Variants in ITPA observed in about 807,000 individuals in gnomAD.
ITPA encodes the protein inosine triphosphate pyrophosphatase.
ITPA carries 29 observed loss-of-function variants against 29.6 expected under a neutral mutation model. That is an observed-to-expected ratio of 0.98 (90% CI 0.73 to 1.34). The LOEUF (loss-of-function observed/expected upper bound fraction) is 1.34, where lower values mean the gene tolerates loss of function less well. Among genes scored for constraint, ITPA ranks in the 40% most tolerant of loss-of-function variants. ITPA has a pLI of 0.00. For synonymous variants in ITPA, 103 were observed against 99.3 expected (o/e 1.04, Z -0.22); for missense variants, 241 against 251.5 (o/e 0.96, Z 0.28).
At chr20:3,226,522 C>T (rs1317320097), downstream of ITPA, among the ~76,000 whole-genome samples, 1 of 152,130 alleles carries the variant, frequency 6.6e-6, no homozygotes, top group African/African-American at 2.4e-5. This position sits in a 1 kb window ranked among gnomAD's most constrained non-coding sequence, Gnocchi z 4.4. Context: ...CTCATGTGGG[C>T]TTACGTTTCT....
chr20:3,204,375 G>A (rs1032544649), upstream of ITPA, among the ~76,000 whole-genome samples: 5 of 152,142 alleles, frequency 3.3e-5, no homozygotes, highest in Non-Finnish European at 7.4e-5. Flanking sequence ...TTCCAGGTAG[G>A]GCACTGCGGA....
intron 2 of ITPA, 34 bp downstream of exon 2, chr20:3,213,260 G>A (rs780589450): frequency 1.2e-6 from 2 of 1,614,040 alleles, no homozygotes; most frequent in East Asian, 4.5e-5. Flanking sequence ...TTTAAAAGAT[G>A]GTTGGATTTC....
Position 3,214,011 on chromosome 20 carries a change from C to T in ITPA, c.216C>T (p.Asp72=), listed in dbSNP as rs1345647506. Residue 72 remains aspartate (D), a synonymous_variant, in exon 4 of 8, where the codon GAC becomes GAT. Transcript: ENST00000380113. ...RQVQGPVLVE[D]TCLCFNALGG... ...TACAGGGGCCCGTGCTGGTTGAGGA[C>T]ACTTGTCTGTGCTTCAATGCCCTTG... 13 of 1,614,196 alleles carry T rather than the reference C, an allele frequency of 8.1e-6. No individual in the cohort carries two copies. Among genetic ancestry groups the T allele is most frequent in the Non-Finnish European group, 1.1e-5 (13 of 1,180,036 alleles).
upstream of ITPA, chr20:3,204,688 G>T: frequency 6.7e-6 from 10 of 1,495,006 alleles, no homozygotes; most frequent in Non-Finnish European, 8.1e-6. Context: ...CATAGGCCCC[G>T]CCCCTATTTC....
chr20:3,204,421 C>G (rs2067056379), upstream of ITPA: 1 of 1,052,306 alleles, frequency 9.5e-7, no homozygotes, highest in Non-Finnish European at 1.4e-6. Context: ...CACGGACGCG[C>G]ATGCGTCCCG....
upstream of ITPA, among the ~76,000 whole-genome samples, chr20:3,208,430 C>T (rs538879341): frequency 1.4e-4 from 21 of 152,242 alleles, no homozygotes; most frequent in South Asian, 1.9e-3. Context: ...GGCTGGAGTC[C>T]GATGGCACGA....
chr20:3,205,039 TGGG>T (rs1288997365), upstream of ITPA, among the ~76,000 whole-genome samples: 1 of 151,722 alleles, frequency 6.6e-6, no homozygotes, highest in Non-Finnish European at 1.5e-5. Flanking sequence ...TTAGTAGAGA[TGGG>T]GGTTTCACCG....
At chr20:3,216,625 T>C (rs1280221660) in intron 5 of ITPA, among the ~76,000 whole-genome samples, 2 of 151,686 alleles carry the variant, frequency 1.3e-5, no homozygotes, top group African/African-American at 4.8e-5. Context: ...AGCTAATTTT[T>C]TGTATTTTTT....
At chr20:3,218,141 A>G (rs2067358888) in intron 5 of ITPA, among the ~76,000 whole-genome samples, 2 of 150,642 alleles carry the variant, frequency 1.3e-5, no homozygotes, top group Admixed American at 1.3e-4. Flanking sequence ...GATGGTCTCG[A>G]TCTCCTGACC....
chr20:3,211,200 C>T (rs1322996783), intron 1 of ITPA, among the ~76,000 whole-genome samples: 19 of 149,106 alleles, frequency 1.3e-4, no homozygotes, highest in African/African-American at 4.7e-4. Context: ...GAGTCTCACT[C>T]TGTCGCCCAG....
At chr20:3,211,513 G>A (rs1482025398) in intron 1 of ITPA, among the ~76,000 whole-genome samples, 1 of 99,706 alleles carries the variant, frequency 1.0e-5, no homozygotes, top group Non-Finnish European at 2.3e-5. Context: ...TGTTTGTTTA[G>A]ACAAAGTCTC....
upstream of ITPA, among the ~76,000 whole-genome samples, chr20:3,207,824 G>A (rs1035894912): frequency 1.1e-4 from 17 of 151,334 alleles, no homozygotes; most frequent in South Asian, 8.3e-4. Flanking sequence ...GTGAAACCCC[G>A]TCTCTACTAA....
At chr20:3,204,683 GC>G, upstream of ITPA, 1 of 1,505,344 alleles carries the variant, frequency 6.6e-7, no homozygotes, top group African/African-American at 1.4e-5. Context: ...GATCTCATAG[GC>G]CCCGCCCCTA....
chr20:3,217,803 G>C (rs2067341740), intron 5 of ITPA, among the ~76,000 whole-genome samples: 1 of 151,964 alleles, frequency 6.6e-6, no homozygotes, highest in African/African-American at 2.4e-5. Flanking sequence ...TTTAAAAACT[G>C]TTAAACAAGT....
intron 1 of ITPA, among the ~76,000 whole-genome samples, chr20:3,211,081 AG>A (rs1420498034): frequency 2.7e-5 from 4 of 150,228 alleles, no homozygotes; most frequent in Non-Finnish European, 5.9e-5. Context: ...AAAAAAAAGA[AG>A]AAGAAGAAGA....
At chr20:3,211,762 G>T (rs769464720) in intron 1 of ITPA, among the ~76,000 whole-genome samples, 3 of 152,330 alleles carry the variant, frequency 2.0e-5, no homozygotes, top group Non-Finnish European at 2.9e-5. Flanking sequence ...CGAAGTGTTA[G>T]ATTACATGCG....
At chr20:3,213,960 A>T (rs1224906469) in intron 3 of ITPA, 25 bp from the exon 4 acceptor site, 3 of 1,613,316 alleles carry the variant, frequency 1.9e-6, no homozygotes, top group Non-Finnish European at 2.5e-6. Context: ...CATGGGTCTC[A>T]GGGCTGTATG....
chr20:3,215,494 G>T (rs1029425744), intron 5 of ITPA, among the ~76,000 whole-genome samples, 182 bp downstream of exon 5: 2 of 152,148 alleles, frequency 1.3e-5, no homozygotes, highest in Admixed American at 6.5e-5. Flanking sequence ...AGCACTGTGT[G>T]GGGGAGGGAT....
chr20:3,207,206 C>T (rs901570339), upstream of ITPA, among the ~76,000 whole-genome samples: 1 of 152,120 alleles, frequency 6.6e-6, no homozygotes, highest in Non-Finnish European at 1.5e-5. Flanking sequence ...CCTCCCACCT[C>T]AGCCTCCTAA....
Sources: gnomAD v4.1 joint callset for allele counts (sites outside exome capture counted in the v4.1 genomes callset) on GRCh38, gnomAD v4.1.1 for gene constraint, Gnocchi (gnomAD v3.1) non-coding constraint, MANE v1.5 for transcripts, NCBI Gene and HGNC (gene_info 2026-07-23, HGNC 2026-07-21) for gene names.